Variants in GRHL2 observed in about 807,000 individuals in gnomAD.
GRHL2 encodes grainyhead like transcription factor 2.
A neutral mutation model predicts 83.8 loss-of-function variants in GRHL2; 21 were observed. The observed-to-expected ratio is 0.25, with a 90% confidence interval of 0.18 to 0.36. The LOEUF (loss-of-function observed/expected upper bound fraction) is 0.36, where lower values mean the gene tolerates loss of function less well. Among genes scored for constraint, GRHL2 ranks in the 10% least tolerant of loss-of-function variants. GRHL2 has a pLI of 1.00. For synonymous variants in GRHL2, 280 were observed against 278.9 expected (o/e 1.00, Z -0.04); for missense variants, 623 against 781.8 (o/e 0.80, Z 2.42).
chr8:101,550,301 C>A (rs1811352914), intron 2 of GRHL2, among the ~76,000 whole-genome samples: 1 of 151,814 alleles, frequency 6.6e-6, no homozygotes, highest in Non-Finnish European at 1.5e-5. Context: ...TGCCCAGCAC[C>A]CAGGTAGTGG....
In GRHL2 at chr8:101,564,933, G is replaced by T. The variant is rs545103444; in HGVS notation, c.679-5406G>T. 8.0e-4 allele frequency among the ~76,000 whole-genome samples: 122 copies of T among 152,140 alleles called. 1 individual carries two copies. The highest frequency in any genetic ancestry group is 6.4e-3 in the South Asian group (31 of 4,816). On this transcript the variant is annotated intron_variant, in intron 4 of 15. Transcript: ENST00000646743. ...ATGTGTTGATTTATACTGGGTATTA[G>T]GCACTGTGGTGATGTGGAAGCTTAG...
At chr8:101,664,808 C>CA (rs749120625) in intron 15 of GRHL2, among the ~76,000 whole-genome samples, 2 of 151,870 alleles carry the variant, frequency 1.3e-5, no homozygotes, top group African/African-American at 4.8e-5. Context: ...GGGAGAATGG[C>CA]AAAATCACCT....
intron 2 of GRHL2, among the ~76,000 whole-genome samples, chr8:101,545,870 ATTTTTTTTTTTTTTTTTTTTTTTTT>A (rs1174568425): frequency 1.2e-5 from 1 of 83,620 alleles, no homozygotes; most frequent in African/African-American, 4.8e-5. Context: ...TCTTTGTAAC[ATTTTTTTTTTTTTTTTTTTTTTTTT>A]TTTTTGAGAT....
chr8:101,558,521 T>C lies in GRHL2; in HGVS notation c.387T>C (p.Asp129=), dbSNP rs753644045. 2 of 1,613,870 alleles carry C rather than the reference T, an allele frequency of 1.2e-6. No homozygotes were observed. Among genetic ancestry groups the C allele is most frequent in the East Asian group, 4.5e-5 (2 of 44,870 alleles). Residue 129 remains aspartate (D), a synonymous_variant, in exon 4 of 16, where the codon GAT becomes GAC. Coordinates refer to ENST00000646743, the MANE Select transcript of GRHL2 (RefSeq NM_024915.4). ...CAGTGAACCTTTCCCTAAATCAAGA[T>C]CACCTGGAGAATTCCAAGCGGGAAC... ...TVPVNLSLNQ[D]HLENSKREQY...
downstream of GRHL2, among the ~76,000 whole-genome samples, chr8:101,673,497 GCTAA>G (rs1814241956): frequency 2.1e-5 from 3 of 144,958 alleles, no homozygotes; most frequent in South Asian, 7.2e-4. Flanking sequence ...AACAAGAAGA[GCTAA>G]CTATCCTAAA....
downstream of GRHL2, among the ~76,000 whole-genome samples, chr8:101,670,187 GT>G (rs1443510105): frequency 1.1e-4 from 16 of 152,188 alleles, no homozygotes; most frequent in African/African-American, 3.6e-4. Flanking sequence ...CCTAAGATCT[GT>G]TGGCTCGAAT....
Position 101,662,752 on chromosome 8 carries a change from G to T in GRHL2, c.1699-1702G>T, listed in dbSNP as rs112818093. The stretch of plus-strand genomic sequence containing the variant: ...AATGATTGTAAAAATAAATAGAACA[G>T]AATTTTTCAAAATAAAAAGTAAAAG... On this transcript the variant is annotated intron_variant, in intron 14 of 15. Coordinates refer to ENST00000646743, the MANE Select transcript of GRHL2 (RefSeq NM_024915.4). Among the ~76,000 whole-genome samples the T allele has an allele frequency of 7.8e-3, 1,189 of 152,156 alleles. 15 individuals carry two copies. The highest frequency in any genetic ancestry group is 0.026 in the African/African-American group (1,066 of 41,508).
chr8:101,592,027 A>G (rs1812294834), intron 7 of GRHL2, among the ~76,000 whole-genome samples: 1 of 151,946 alleles, frequency 6.6e-6, no homozygotes, highest in Non-Finnish European at 1.5e-5. Flanking sequence ...ACGAAGGGGA[A>G]CTGTCACATG....
At chr8:101,663,631 A>AAATAAATT (rs1554598233) in intron 14 of GRHL2, among the ~76,000 whole-genome samples, 19 of 104,674 alleles carry the variant, frequency 1.8e-4, no homozygotes, top group Admixed American at 6.0e-4. Flanking sequence ...ATAAATAAAT[A>AAATAAATT]AATAAATAAA....
At chr8:101,635,641 C>T (rs1813269607) in intron 11 of GRHL2, among the ~76,000 whole-genome samples, 1 of 152,218 alleles carries the variant, frequency 6.6e-6, no homozygotes, top group African/African-American at 2.4e-5. Flanking sequence ...TTAAATTAGG[C>T]AGTCCTATTC....
intron 14 of GRHL2, among the ~76,000 whole-genome samples, chr8:101,652,338 TGTATGTGTGTGGTGTGTGTG>T (rs1813646452): frequency 9.7e-6 from 1 of 102,926 alleles, no homozygotes; most frequent in African/African-American, 5.6e-5. Context: ...GTGGTGTGTG[TGTATGTGTGTGGTGTGTGTG>T]GTGTGTGTGT....
intron 14 of GRHL2, among the ~76,000 whole-genome samples, chr8:101,659,853 G>A (rs1183524803): frequency 6.6e-6 from 1 of 152,176 alleles, no homozygotes; most frequent in African/African-American, 2.4e-5. Flanking sequence ...GATGTTCAAG[G>A]AAACTTTCTA....
intron 8 of GRHL2, among the ~76,000 whole-genome samples, chr8:101,606,279 G>A (rs1812632287): frequency 6.6e-6 from 1 of 152,154 alleles, no homozygotes. Flanking sequence ...AAATGCATTG[G>A]ATTTACAAAA....
At chr8:101,654,537 G>T (rs553498251) in intron 14 of GRHL2, among the ~76,000 whole-genome samples, 1 of 152,284 alleles carries the variant, frequency 6.6e-6, no homozygotes, top group South Asian at 2.1e-4. Context: ...AGGTGTAAAA[G>T]AAAGTCTGAA....
chr8:101,539,099 G>A (rs1490211633), intron 1 of GRHL2, among the ~76,000 whole-genome samples: 2 of 152,124 alleles, frequency 1.3e-5, no homozygotes, highest in Admixed American at 1.3e-4. Context: ...GAAGATTTAG[G>A]GAAAAATCCC....
chr8:101,499,269 T>G (rs1326916552), intron 1 of GRHL2, among the ~76,000 whole-genome samples: 1 of 152,224 alleles, frequency 6.6e-6, no homozygotes, highest in Non-Finnish European at 1.5e-5. Context: ...CAGTTCCTCT[T>G]TATGGCTTAT....
At chr8:101,647,584 A>G (rs1813538018) in intron 13 of GRHL2, among the ~76,000 whole-genome samples, 1 of 152,180 alleles carries the variant, frequency 6.6e-6, no homozygotes, top group African/African-American at 2.4e-5. Context: ...CCATTAGGTC[A>G]TTAGATTATT....
intron 4 of GRHL2, chr8:101,561,936 A>G (rs1299938215): frequency 1.4e-5 from 8 of 566,904 alleles, no homozygotes; most frequent in Non-Finnish European, 2.6e-5. Flanking sequence ...ATAATAATTT[A>G]GCAGTTCCAA....
chr8:101,637,454 G>A (rs987916141), intron 12 of GRHL2, among the ~76,000 whole-genome samples: 2 of 152,182 alleles, frequency 1.3e-5, no homozygotes, highest in Non-Finnish European at 2.9e-5. Context: ...CTTTTCAATC[G>A]TAGGTAAGAG....
Sources: allele counts gnomAD v4.1 joint callset (sites outside exome capture counted in the v4.1 genomes callset), GRCh38; gene constraint gnomAD v4.1.1; transcripts MANE v1.5; gene names NCBI Gene and HGNC (gene_info 2026-07-23, HGNC 2026-07-21).